SMYD3: variants seen among roughly 807,000 people sequenced by gnomAD.
The protein encoded by SMYD3 is histone-lysine N-methyltransferase SMYD3.
Under a neutral mutation model 57.7 loss-of-function variants are expected in SMYD3, and 36 were observed. That is an observed-to-expected ratio of 0.62 (90% CI 0.48 to 0.82). The LOEUF is 0.82. SMYD3 is among the 40% of genes least tolerant of loss of function. The pLI is 0.00. For synonymous variants in SMYD3, 211 were observed against 195.0 expected (o/e 1.08, Z -0.68); for missense variants, 515 against 538.8 (o/e 0.96, Z 0.44).
chr1:245,830,539 G>C (rs1380462447), intron 10 of SMYD3, among the ~76,000 whole-genome samples: 1 of 152,218 alleles, frequency 6.6e-6, no homozygotes, highest in Non-Finnish European at 1.5e-5. Context: ...CCTTATCAGT[G>C]TGTGGGTAGG....
chr1:245,946,095 C>T (rs1291490106), intron 5 of SMYD3, among the ~76,000 whole-genome samples: 1 of 152,118 alleles, frequency 6.6e-6, no homozygotes. Context: ...ACCTGAACGT[C>T]CTGTACATGC....
intron 1 of SMYD3, among the ~76,000 whole-genome samples, chr1:246,386,124 G>A (rs1392878329): frequency 7.2e-5 from 11 of 152,220 alleles, no homozygotes; most frequent in South Asian, 2.1e-4. Flanking sequence ...TCCTGACCTC[G>A]TGATCCATCC....
intron 1 of SMYD3, among the ~76,000 whole-genome samples, chr1:246,393,797 G>A (rs527360441): frequency 2.9e-4 from 44 of 152,116 alleles, no homozygotes; most frequent in African/African-American, 4.6e-4. Context: ...TGAGGCTGCC[G>A]TGTGCCAAGA....
intron 5 of SMYD3, among the ~76,000 whole-genome samples, chr1:246,015,763 AAGTTTCCT>A (rs1275772402): frequency 2.0e-5 from 3 of 152,156 alleles, no homozygotes; most frequent in African/African-American, 7.2e-5. Context: ...GCATGTGTCA[AAGTTTCCT>A]TTCTAAGGCT....
At chr1:245,981,810 C>T (rs538347130) in intron 5 of SMYD3, among the ~76,000 whole-genome samples, 100 of 152,310 alleles carry the variant, frequency 6.6e-4, no homozygotes, top group Non-Finnish European at 1.0e-3. Flanking sequence ...ACTTGGGAAA[C>T]GATTACATAG....
At chr1:246,396,340 TCAAAGCTTTTTTGTTCC>T (rs1313533133) in intron 1 of SMYD3, among the ~76,000 whole-genome samples, 1 of 152,186 alleles carries the variant, frequency 6.6e-6, no homozygotes, top group African/African-American at 2.4e-5. Flanking sequence ...TTATTCATTA[TCAAAGCTTTTTTGTTCC>T]CAACGGCTCA....
At chr1:246,464,241 T>A (rs1005544241) in intron 1 of SMYD3, among the ~76,000 whole-genome samples, 23 of 152,018 alleles carry the variant, frequency 1.5e-4, no homozygotes, top group African/African-American at 5.6e-4. Flanking sequence ...AAAGGCCTGG[T>A]GCAGTGGCTC....
intron 5 of SMYD3, among the ~76,000 whole-genome samples, chr1:245,959,437 G>A (rs1472447882): frequency 6.6e-6 from 1 of 152,206 alleles, no homozygotes; most frequent in Non-Finnish European, 1.5e-5. Context: ...TAGAAAACCT[G>A]GGTTCTGGCT....
chr1:246,165,843 C>T (rs553218436), intron 5 of SMYD3, among the ~76,000 whole-genome samples: 8 of 152,234 alleles, frequency 5.3e-5, no homozygotes, highest in East Asian at 3.9e-4. Flanking sequence ...AAAATTCACA[C>T]ATTTTTAAGT....
At chr1:246,022,986 T>G (rs1224022545) in intron 5 of SMYD3, among the ~76,000 whole-genome samples, 1 of 152,202 alleles carries the variant, frequency 6.6e-6, no homozygotes, top group East Asian at 1.9e-4. Flanking sequence ...AAGAGTGAGA[T>G]CACTTGTTAG....
chr1:245,937,480 C>T (rs927177248), intron 5 of SMYD3, among the ~76,000 whole-genome samples: 1 of 152,210 alleles, frequency 6.6e-6, no homozygotes, highest in Non-Finnish European at 1.5e-5. Context: ...ATTTCACCTC[C>T]TTAAAGCCAT....
intron 5 of SMYD3, among the ~76,000 whole-genome samples, chr1:246,222,665 C>T (rs2063275278): frequency 6.6e-6 from 1 of 152,080 alleles, no homozygotes; most frequent in Admixed American, 6.5e-5. Context: ...ACTCTTTTCA[C>T]AAAGGAGTCA....
chr1:246,213,296 A>T (rs770344002), intron 5 of SMYD3, among the ~76,000 whole-genome samples: 3 of 152,140 alleles, frequency 2.0e-5, no homozygotes, highest in Non-Finnish European at 4.4e-5. Flanking sequence ...AGCAGCATGT[A>T]TGTTAATACC....
At chr1:246,302,799 A>G (rs2064914069) in intron 5 of SMYD3, among the ~76,000 whole-genome samples, 1 of 152,180 alleles carries the variant, frequency 6.6e-6, no homozygotes, top group African/African-American at 2.4e-5. Context: ...TTAATAGCAA[A>G]AGAATGAGTT....
chr1:246,436,752 T>A lies in SMYD3; in HGVS notation c.164+70302A>T, dbSNP rs556497289. Among the ~76,000 whole-genome samples the A allele has an allele frequency of 3.6e-4, 55 of 152,268 alleles. 1 individual carries two copies. The highest frequency in any genetic ancestry group is 1.3e-3 in the African/African-American group (52 of 41,562). ...ACATGCTCCCGCCCCCAAGGGCAGG[T>A]TTACTTCTATTACTTCTATTTTCCC... On this transcript the variant is annotated intron_variant, in intron 1 of 11. Coordinates refer to ENST00000490107, the MANE Select transcript of SMYD3 (RefSeq NM_001167740.2).
At chr1:246,094,139 G>A (rs948355775) in intron 5 of SMYD3, among the ~76,000 whole-genome samples, 3 of 152,092 alleles carry the variant, frequency 2.0e-5, no homozygotes, top group Admixed American at 6.5e-5. Flanking sequence ...GCTGCCTGCG[G>A]GAGACCACCA....
At chr1:246,249,531 AT>A (rs35292473) in intron 5 of SMYD3, among the ~76,000 whole-genome samples, 7 of 148,262 alleles carry the variant, frequency 4.7e-5, no homozygotes, top group South Asian at 2.1e-4. Context: ...TTTTTTTTGT[AT>A]TTTTTTTTGT....
At chr1:246,362,918 C>T (rs1226571808) in intron 1 of SMYD3, among the ~76,000 whole-genome samples, 2 of 149,184 alleles carry the variant, frequency 1.3e-5, no homozygotes, top group African/African-American at 4.9e-5. Flanking sequence ...TCTGCCTGGC[C>T]GCCCATCGTC....
intron 1 of SMYD3, among the ~76,000 whole-genome samples, chr1:246,428,615 A>G (rs775767360): frequency 5.9e-5 from 9 of 152,258 alleles, no homozygotes; most frequent in Non-Finnish European, 7.3e-5. Context: ...AGCATGCCAC[A>G]GTTAGTGAGT....
Sources: gnomAD v4.1 joint callset for allele counts (sites outside exome capture counted in the v4.1 genomes callset) on GRCh38, gnomAD v4.1.1 for gene constraint, MANE v1.5 for transcripts, NCBI Gene and HGNC (gene_info 2026-07-23, HGNC 2026-07-21) for gene names.